The following ABCA2 variants were observed in gnomAD, a reference collection of about 807,000 sequenced individuals.
The protein encoded by ABCA2 is ATP-binding cassette sub-family A member 2.
Under a neutral mutation model 262.8 loss-of-function variants are expected in ABCA2, and 84 were observed. The ratio of observed to expected loss-of-function variants is 0.32; its 90% CI spans 0.27 to 0.38. The LOEUF is 0.38. ABCA2 is among the 10% of genes least tolerant of loss of function. ABCA2 has a pLI of 1.00. For synonymous variants in ABCA2, 1,696 were observed against 1,502.9 expected (o/e 1.13, Z -2.97); for missense variants, 2,662 against 3,405.9 (o/e 0.78, Z 5.44).
Position 137,009,886 on chromosome 9 carries a change from C to T in ABCA2, c.6513G>A (p.Leu2171=). 6.2e-7 allele frequency: 1 copy of T among 1,609,554 alleles called. No individual in the cohort carries two copies. The highest frequency in any genetic ancestry group is 8.5e-7 in the Non-Finnish European group (1 of 1,177,792). Residue 2171 remains leucine, a synonymous_variant, in exon 43 of 49, where the codon CTG becomes CTA. Transcript: ENST00000341511. The part of the protein sequence containing the change: ...KDEARVVKWA[L]EKLELTKYAD... ...CGTACTTGGTCAGCTCCAGCTTCTC[C>T]AGAGCCCACTTCACCACCTGGCCAG... is the stretch of plus-strand genomic sequence containing the variant.
In ABCA2 at chr9:137,010,343, A is replaced by G; in HGVS notation, c.6203T>C (p.Ile2068Thr). 6.3e-7 allele frequency: 1 copy of G among 1,580,706 alleles called. No individual in the cohort carries two copies. Among genetic ancestry groups the G allele is most frequent in the Non-Finnish European group, 8.6e-7 (1 of 1,164,050 alleles). Reference protein sequence around the residue: ...KVYKSRKIGRILAVDRLCLGV... With the variant: ...KVYKSRKIGRTLAVDRLCLGV... ...CAGGCACAGGCGGTCAACGGCCAGG[A>G]TACGGCCAATCTTCCGGGACTTGTA... The change falls in exon 41 of 49, where the codon ATC becomes ACC. Residue 2068 changes from isoleucine to threonine, a missense_variant. Ile to Thr is a moderately conservative substitution (Grantham distance 89). Around this residue, in one of 12 missense-constraint regions of ABCA2, gnomAD observed 602 missense variants for 897.4 expected, o/e 0.67. Coordinates refer to ENST00000341511, the MANE Select transcript of ABCA2 (RefSeq NM_001606.5).
At chr9:137,009,322 C>CA in intron 45 of ABCA2, 48 bp downstream of exon 45, 1 of 1,170,462 alleles carries the variant, frequency 8.5e-7, no homozygotes. Flanking sequence ...TGCCTGGCCG[C>CA]CCCCCCCGGG....
intron 3 of ABCA2, chr9:137,023,444 C>A: frequency 1.4e-6 from 1 of 714,420 alleles, no homozygotes; most frequent in South Asian, 1.4e-5. Flanking sequence ...GACCTCTGGC[C>A]AGCTGGTTAG....
Position 137,015,019 on chromosome 9 carries a change from C to G in ABCA2, c.3776G>C (p.Arg1259Pro). 1 of 1,606,070 alleles carries G rather than the reference C, an allele frequency of 6.2e-7. No individual in the cohort carries two copies. The highest frequency in any genetic ancestry group is 8.5e-7 in the Non-Finnish European group (1 of 1,176,406). The change falls in exon 25 of 49, where the codon CGC becomes CCC. Residue 1259 changes from arginine to proline, a missense_variant. Coordinates refer to ENST00000341511, the MANE Select transcript of ABCA2 (RefSeq NM_001606.5). ...CAGCAGGCAGGAGGCCACATGCTTG[C>G]GGATGAACTGGGACACCTGGAGCTC... ...CSELQVSQFI[R>P]KHVASCLLVS... is the part of the protein sequence containing the mutation.
At chr9:137,008,126 T>TGCCGAGTCTGGGGGCC (rs1388794765) in intron 48 of ABCA2, 162 bp from the exon 49 acceptor site, 1 of 951,948 alleles carries the variant, frequency 1.1e-6, no homozygotes, top group Non-Finnish European at 1.6e-6. Context: ...GGCCTCCGTC[T>TGCCGAGTCTGGGGGCC]GCCGAGTCTG....
Position 137,014,373 on chromosome 9 carries a change from A to T in ABCA2, c.4035T>A (p.Pro1345=). 2 of 1,596,116 alleles carry T rather than the reference A, an allele frequency of 1.3e-6. No homozygotes were observed. Among genetic ancestry groups the T allele is most frequent in the Non-Finnish European group, 1.7e-6 (2 of 1,172,000 alleles). ...CCCCAGACGCCGGGCCCTCCGCCCC[A>T]GGGAGCACATCCTTCCTGGACTCCT... ...DVKESRKDVL[P]GAEGPASGEG... is the part of the protein sequence containing the mutation. Residue 1345 remains proline, a synonymous_variant, in exon 27 of 49, where the codon CCT becomes CCA. Coordinates refer to ENST00000341511, the MANE Select transcript of ABCA2 (RefSeq NM_001606.5).
At chr9:137,028,466 G>C (rs1028265981), upstream of ABCA2, among the ~76,000 whole-genome samples, 1 of 150,736 alleles carries the variant, frequency 6.6e-6, no homozygotes, top group Non-Finnish European at 1.5e-5. The surrounding 1 kb of genome is among the most constrained non-coding windows in gnomAD (Gnocchi z 6.9). Flanking sequence ...CTCGCCGGGC[G>C]TCACGCGACG....
In ABCA2 at chr9:137,021,511, C is replaced by T. The variant is rs756055077; in HGVS notation, c.778G>A (p.Ala260Thr). The change falls in exon 8 of 49, where the codon GCC becomes ACC. Residue 260 changes from alanine to threonine, a missense_variant. By Grantham distance (58) the Ala-to-Thr change is moderately conservative. Coordinates refer to ENST00000341511, the MANE Select transcript of ABCA2 (RefSeq NM_001606.5). The surrounding 1 kb of genome is among the most constrained non-coding windows in gnomAD (Gnocchi z 6.0). ...ACAGCATCCCGGTAGCCCTGCAGGG[C>T]TCCCTTCTGACTCTCAGGCACAGTG... ...ILTVPESQKGALQGYRDAVCS... is the reference protein window; with the variant it reads ...ILTVPESQKGTLQGYRDAVCS... 3.7e-6 allele frequency: 6 copies of T among 1,606,482 alleles called. No individual in the cohort carries two copies. The highest frequency in any genetic ancestry group is 5.1e-6 in the Non-Finnish European group (6 of 1,177,254).
intron 13 of ABCA2, 128 bp from the exon 14 acceptor site, chr9:137,018,479 G>T: frequency 1.4e-6 from 1 of 740,288 alleles, no homozygotes; most frequent in Non-Finnish European, 2.0e-6. Flanking sequence ...GGGAAAGGTG[G>T]GACAGGGCTG....
At chr9:137,009,138 C>T in intron 45 of ABCA2, 85 bp from the exon 46 acceptor site, 4 of 1,360,762 alleles carry the variant, frequency 2.9e-6, no homozygotes, top group South Asian at 1.2e-5. Context: ...ACAGCCCCCA[C>T]AGGCACCCCA....
chr9:137,010,564 C>A (rs768433359), intron 40 of ABCA2, 56 bp downstream of exon 40: 2 of 1,570,802 alleles, frequency 1.3e-6, no homozygotes, highest in Non-Finnish European at 1.7e-6. Flanking sequence ...TGGGGCCCCA[C>A]CCCCCTGGCC....
chr9:137,013,732 G>A (rs1831153312), intron 28 of ABCA2, 100 bp downstream of exon 28: 4 of 1,422,180 alleles, frequency 2.8e-6, no homozygotes, highest in Admixed American at 4.0e-5. Context: ...GGTGTGGGGT[G>A]AGGCCCAGAG....
rs1209218261 is a variant in ABCA2, at chr9:137,008,512, G to A, written c.7179C>T (p.Pro2393=). The change falls in exon 48 of 49, where the codon CCC becomes CCT. Residue 2393 remains proline, a synonymous_variant. Coordinates refer to ENST00000341511, the MANE Select transcript of ABCA2 (RefSeq NM_001606.5). ...PLGCLLSLLR[P]RSAPTELRAL... ...CCCGGAGCTCCGTGGGGGCAGACCGGGGCCGGAGCAGGCTGAGCAAGCAGC... is the reference window on the plus strand; with the variant it reads ...CCCGGAGCTCCGTGGGGGCAGACCGAGGCCGGAGCAGGCTGAGCAAGCAGC... The A allele has an allele frequency of 1.9e-6, 3 of 1,588,200 alleles. No individual in the cohort carries two copies. The highest frequency in any genetic ancestry group is 2.6e-6 in the Non-Finnish European group (3 of 1,168,064).
At chr9:137,008,105 G>C in intron 48 of ABCA2, 141 bp from the exon 49 acceptor site, 1 of 1,064,554 alleles carries the variant, frequency 9.4e-7, no homozygotes, top group Non-Finnish European at 1.4e-6. Flanking sequence ...CTCTGTGTCT[G>C]GGCTCTCCCG....
At chr9:137,018,412 G>A in intron 13 of ABCA2, 61 bp from the exon 14 acceptor site, 1 of 965,964 alleles carries the variant, frequency 1.0e-6, no homozygotes, top group South Asian at 1.6e-5. Context: ...CGTGGTGGGG[G>A]GGAAAGCAAG....
intron 40 of ABCA2, 55 bp from the exon 41 acceptor site, chr9:137,010,426 G>A: frequency 7.5e-7 from 1 of 1,328,956 alleles, no homozygotes; most frequent in Non-Finnish European, 9.7e-7. Flanking sequence ...CTGCCCCTCT[G>A]GCCCCACCCC....
rs201636797 is a variant in ABCA2, at chr9:137,014,864, G to A, written c.3882+49C>T. ...GGCAGGGACGCCCAGGCAGGAGTGC[G>A]CCCACCTCCACCACCTGCAACTGCC... is the stretch of plus-strand genomic sequence containing the variant. On this transcript the variant is annotated intron_variant, in intron 25 of 48. Transcript: ENST00000341511. 2.9e-4 allele frequency: 459 copies of A among 1,576,438 alleles called. No individual in the cohort carries two copies. In the East Asian group the frequency reaches 5.0e-3, roughly 17 times the overall value.
Position 137,010,601 on chromosome 9 carries a change from C to CA in ABCA2, c.6174+18_6174+19insT. ...TGGCCTACCCCACCCAGGCCCCACC[C>CA]TACATGCCCAGAGCCCACCTTGGTC... On this transcript the variant is annotated intron_variant, in intron 40 of 48. Transcript: ENST00000341511. 9 of 1,577,246 alleles carry CA rather than the reference C, an allele frequency of 5.7e-6. No homozygotes were observed. The highest frequency in any genetic ancestry group is 1.3e-5 in the African/African-American group (1 of 74,260).
rs1225499664 is a variant in ABCA2 at position 137,028,177 on chromosome 9, C to T, written c.-37G>A. ...GCTCCGCCGCCTCAGCGCCGCGGCC[C>T]GCTCCTCTGCGCGCCCCGCCGGGCC... is the stretch of plus-strand genomic sequence containing the variant. On this transcript the variant is annotated 5_prime_UTR_variant, in exon 1 of 49. Coordinates refer to ENST00000341511, the MANE Select transcript of ABCA2 (RefSeq NM_001606.5). The surrounding 1 kb of genome is among the most constrained non-coding windows in gnomAD (Gnocchi z 6.9). 3 of 980,546 alleles carry T rather than the reference C, an allele frequency of 3.1e-6. No homozygotes were observed. Among genetic ancestry groups the T allele is most frequent in the East Asian group, 2.3e-4 (2 of 8,682 alleles). The allele number at this position is 980,546 out of a possible 1,614,324, so 60.7% of individuals were successfully genotyped here.
Sources: allele counts gnomAD v4.1 joint callset (sites outside exome capture counted in the v4.1 genomes callset), GRCh38; gene constraint gnomAD v4.1.1; regional missense constraint gnomAD v4.1.1; non-coding constraint Gnocchi (gnomAD v3.1); transcripts MANE v1.5; gene names NCBI Gene and HGNC (gene_info 2026-07-23, HGNC 2026-07-21).